Variants in SLC8A1 observed in about 807,000 individuals in gnomAD.
SLC8A1 encodes solute carrier family 8 member A1, also known as sodium/calcium exchanger 1.
SLC8A1 carries 18 observed loss-of-function variants against 68.3 expected under a neutral mutation model. That is an observed-to-expected ratio of 0.26 (90% confidence interval 0.18 to 0.39). The LOEUF (loss-of-function observed/expected upper bound fraction) is 0.39, where lower values mean the gene tolerates loss of function less well. Among genes scored for constraint, SLC8A1 ranks in the 10% least tolerant of loss-of-function variants. The probability of loss-of-function intolerance (pLI) is 1.00; values close to 1 mark genes in which losing one functional copy is unlikely to be tolerated. For synonymous variants in SLC8A1, 475 were observed against 415.5 expected (o/e 1.14, Z -1.74); for missense variants, 985 against 1,156.7 (o/e 0.85, Z 2.15).
At chr2:40,325,882 T>A (rs1196009118) in intron 2 of SLC8A1, among the ~76,000 whole-genome samples, 1 of 151,022 alleles carries the variant, frequency 6.6e-6, no homozygotes, top group East Asian at 2.0e-4. Flanking sequence ...AGTTTCACTA[T>A]CCTTTATAGG....
chr2:40,331,972 TA>T (rs2076460445), intron 2 of SLC8A1, among the ~76,000 whole-genome samples: 1 of 152,050 alleles, frequency 6.6e-6, no homozygotes, highest in Non-Finnish European at 1.5e-5. Context: ...AGTTTGAGGT[TA>T]CAGTGAGCTA....
intron 5 of SLC8A1, among the ~76,000 whole-genome samples, chr2:40,163,272 G>A (rs1282341475): frequency 2.0e-5 from 3 of 152,270 alleles, no homozygotes; most frequent in Middle Eastern, 3.4e-3. Context: ...GCTTCTTATG[G>A]GAAGTTACTA....
intron 2 of SLC8A1, among the ~76,000 whole-genome samples, chr2:40,380,428 T>C (rs1036803981): frequency 2.0e-5 from 3 of 152,178 alleles, no homozygotes; most frequent in Admixed American, 6.5e-5. Flanking sequence ...TGAATCTCTA[T>C]AGTCTTCACA....
intron 2 of SLC8A1, among the ~76,000 whole-genome samples, chr2:40,348,408 G>A (rs2149435797): frequency 6.6e-6 from 1 of 152,240 alleles, no homozygotes; most frequent in East Asian, 1.9e-4. Context: ...TCCCATCAAA[G>A]AACCTATCTA....
At chr2:40,248,692 A>G (rs956674125) in intron 2 of SLC8A1, among the ~76,000 whole-genome samples, 2 of 152,116 alleles carry the variant, frequency 1.3e-5, no homozygotes, top group African/African-American at 4.8e-5. Context: ...CCTATATTCA[A>G]TTCCCCTTTC....
intron 2 of SLC8A1, among the ~76,000 whole-genome samples, chr2:40,208,694 G>C (rs1037717909): frequency 1.3e-5 from 2 of 152,128 alleles, no homozygotes; most frequent in African/African-American, 4.8e-5. Context: ...GGGCACCAGA[G>C]GAATCCTTGG....
At chr2:40,333,403 A>T (rs1484915488) in intron 2 of SLC8A1, among the ~76,000 whole-genome samples, 2 of 142,372 alleles carry the variant, frequency 1.4e-5, no homozygotes, top group Admixed American at 1.5e-4. Context: ...GCACCACTGC[A>T]CTCCAGCCTG....
chr2:40,379,967 A>C (rs1383396049), intron 2 of SLC8A1, among the ~76,000 whole-genome samples: 2 of 152,168 alleles, frequency 1.3e-5, no homozygotes, highest in African/African-American at 2.4e-5. Context: ...TAGAGATGTG[A>C]AAATTAATAA....
At chr2:40,137,363 G>A (rs2040701812) in intron 7 of SLC8A1, among the ~76,000 whole-genome samples, 1 of 152,124 alleles carries the variant, frequency 6.6e-6, no homozygotes, top group African/African-American at 2.4e-5. Flanking sequence ...TATTTGGTTG[G>A]ATAAACTGCT....
intron 2 of SLC8A1, among the ~76,000 whole-genome samples, chr2:40,311,472 G>A (rs756552644): frequency 1.4e-4 from 21 of 151,956 alleles, no homozygotes; most frequent in Admixed American, 4.6e-4. Flanking sequence ...TTAATATGGC[G>A]GTATGATGTA....
chr2:40,149,241 A>C (rs990626597), intron 6 of SLC8A1, among the ~76,000 whole-genome samples: 15 of 152,222 alleles, frequency 9.9e-5, no homozygotes, highest in African/African-American at 3.6e-4. Flanking sequence ...TCATTTCTTT[A>C]GTAAGTATTT....
intron 2 of SLC8A1, among the ~76,000 whole-genome samples, chr2:40,241,567 TC>T: frequency 6.6e-6 from 1 of 152,176 alleles, no homozygotes; most frequent in Non-Finnish European, 1.5e-5. Context: ...TAAATACCTG[TC>T]CCCCTTTGAC....
intron 1 of SLC8A1, among the ~76,000 whole-genome samples, chr2:40,488,342 G>T (rs957978059): frequency 6.6e-6 from 1 of 151,792 alleles, no homozygotes; most frequent in South Asian, 2.1e-4. Flanking sequence ...GGGAATTACC[G>T]TGCCATAGAA....
At chr2:40,294,278 TATTG>T (rs1199210741) in intron 2 of SLC8A1, among the ~76,000 whole-genome samples, 1 of 152,132 alleles carries the variant, frequency 6.6e-6, no homozygotes, top group Non-Finnish European at 1.5e-5. Context: ...TTTCCTATCA[TATTG>T]ATTATTTGCT....
chr2:40,253,119 ATATATACACGTATATATGTATATG>A (rs2063206936), intron 2 of SLC8A1, among the ~76,000 whole-genome samples: 1 of 110,522 alleles, frequency 9.0e-6, no homozygotes, highest in Non-Finnish European at 1.8e-5. Flanking sequence ...ACGTGTATAC[ATATATACACGTATATATGTATATG>A]TATATACATA....
chr2:40,292,114 G>A (rs2069440841), intron 2 of SLC8A1, among the ~76,000 whole-genome samples: 2 of 151,950 alleles, frequency 1.3e-5, no homozygotes, highest in South Asian at 4.2e-4. Flanking sequence ...GTGGTACAGT[G>A]GAAAGAAATT....
At chr2:40,259,059 G>A (rs898612520) in intron 2 of SLC8A1, among the ~76,000 whole-genome samples, 1 of 152,188 alleles carries the variant, frequency 6.6e-6, no homozygotes, top group Non-Finnish European at 1.5e-5. Context: ...AGACAGGTGT[G>A]AGGGTGTGAG....
intron 2 of SLC8A1, among the ~76,000 whole-genome samples, chr2:40,333,713 A>C (rs943854733): frequency 1.3e-5 from 2 of 152,078 alleles, no homozygotes; most frequent in East Asian, 3.9e-4. Context: ...GCATACCATC[A>C]CTTGTCCCCT....
intron 2 of SLC8A1, among the ~76,000 whole-genome samples, chr2:40,229,942 C>T (rs1374442364): frequency 6.6e-6 from 1 of 152,140 alleles, no homozygotes; most frequent in African/African-American, 2.4e-5. Context: ...GATGGAATCA[C>T]ATATCTTTTA....
Sources: allele counts gnomAD v4.1 joint callset (sites outside exome capture counted in the v4.1 genomes callset), GRCh38; gene constraint gnomAD v4.1.1; transcripts MANE v1.5; gene names NCBI Gene and HGNC (gene_info 2026-07-23, HGNC 2026-07-21).